Variants in ASIC2 observed in about 807,000 individuals in gnomAD.
The protein encoded by ASIC2 is acid sensing ion channel subunit 2.
Under a neutral mutation model 57.3 loss-of-function variants are expected in ASIC2, and 25 were observed. The ratio of observed to expected loss-of-function variants is 0.44; its 90% CI spans 0.32 to 0.61. The LOEUF is 0.61. Among genes scored for constraint, ASIC2 ranks in the 20% least tolerant of loss-of-function variants. The pLI, the probability that ASIC2 is intolerant of heterozygous loss-of-function variation, is 0.06. For missense variants in ASIC2, 641 were observed against 738.1 expected, an observed-to-expected ratio of 0.87 and a Z score of 1.52; for synonymous variants, 319 against 307.5, an observed-to-expected ratio of 1.04 and a Z score of -0.39.
At chr17:33,110,497 C>T (rs948795634) in intron 2 of ASIC2, among the ~76,000 whole-genome samples, 10 of 152,302 alleles carry the variant, frequency 6.6e-5, no homozygotes, top group East Asian at 1.9e-4. Flanking sequence ...GGTGCCCTGG[C>T]GCCTGAGGTG....
chr17:33,872,880 C>T (rs1914454872), intron 1 of ASIC2, among the ~76,000 whole-genome samples: 1 of 152,082 alleles, frequency 6.6e-6, no homozygotes, highest in South Asian at 2.1e-4. Flanking sequence ...AATACCTGGC[C>T]CACGCATGGG....
chr17:33,758,741 C>G (rs900991711), intron 1 of ASIC2, among the ~76,000 whole-genome samples: 2 of 151,986 alleles, frequency 1.3e-5, no homozygotes, highest in African/African-American at 4.8e-5. Context: ...CATGTGATAC[C>G]CTGTGCCGCC....
intron 1 of ASIC2, among the ~76,000 whole-genome samples, chr17:33,443,183 C>G (rs1911884130): frequency 1.3e-5 from 2 of 152,174 alleles, no homozygotes; most frequent in Admixed American, 6.5e-5. Flanking sequence ...AATTTTGCAT[C>G]TAAGTTTGTA....
chr17:33,270,005 T>C (rs1008563802), intron 1 of ASIC2, among the ~76,000 whole-genome samples: 1 of 152,190 alleles, frequency 6.6e-6, no homozygotes, highest in Non-Finnish European at 1.5e-5. Flanking sequence ...AGACTTCTCT[T>C]CAGTTGAATG....
chr17:33,362,600 C>T (rs1394385), intron 1 of ASIC2, among the ~76,000 whole-genome samples: 128,753 of 152,206 alleles, frequency 0.85, 54,573 homozygotes, highest in South Asian at 0.92. Context: ...CCTCTTGAAA[C>T]GGTGGTGACA....
intron 1 of ASIC2, among the ~76,000 whole-genome samples, chr17:34,087,932 T>C (rs945180624): frequency 6.6e-6 from 1 of 152,216 alleles, no homozygotes; most frequent in South Asian, 2.1e-4. Context: ...ATTCTAGTTA[T>C]ACATTCTTCT....
intron 1 of ASIC2, among the ~76,000 whole-genome samples, chr17:33,720,512 A>G (rs1048944174): frequency 3.3e-5 from 5 of 152,254 alleles, no homozygotes; most frequent in Non-Finnish European, 5.9e-5. Context: ...TCAGAGATTC[A>G]TGAACATATG....
chr17:34,106,477 C>T (rs1413087361), intron 1 of ASIC2, among the ~76,000 whole-genome samples: 2 of 152,000 alleles, frequency 1.3e-5, no homozygotes, highest in Non-Finnish European at 2.9e-5. Flanking sequence ...CATTCTAATG[C>T]CAGGAAGAAA....
At chr17:33,693,890 T>C (rs1908449582) in intron 1 of ASIC2, among the ~76,000 whole-genome samples, 1 of 152,186 alleles carries the variant, frequency 6.6e-6, no homozygotes, top group Admixed American at 6.5e-5. Flanking sequence ...TGTCAGATCA[T>C]TTGGATTCTT....
rs569557116 is a variant in ASIC2, at chr17:33,543,052, C to T, written c.556-430985G>A. ...ATCGCAAGAACAAAAAACCAAACAC[C>T]GCATATTCTCACTTATAGGTGGGAA... On this transcript the variant is annotated intron_variant, in intron 1 of 9. Coordinates refer to the ASIC2 transcript ENST00000359872. Among the ~76,000 whole-genome samples, 37 of 147,068 alleles carry T rather than the reference C, an allele frequency of 2.5e-4. No individual in the cohort carries two copies. The East Asian group carries it at 6.2e-3, about 25-fold the overall frequency.
At chr17:33,475,110 A>T (rs899981297) in intron 1 of ASIC2, among the ~76,000 whole-genome samples, 4 of 145,006 alleles carry the variant, frequency 2.8e-5, no homozygotes, top group African/African-American at 1.0e-4. Flanking sequence ...TTTCATCTCC[A>T]CTCCCCAACC....
chr17:33,533,300 G>C (rs1182472572), intron 1 of ASIC2: 1 of 147,056 alleles, frequency 6.8e-6, no homozygotes, highest in Non-Finnish European at 1.5e-5. Flanking sequence ...GAGCCAAAAA[G>C]AGTAAAGAAA....
intron 1 of ASIC2, among the ~76,000 whole-genome samples, chr17:33,223,812 G>A (rs530911646): frequency 6.6e-5 from 10 of 152,290 alleles, no homozygotes; most frequent in Admixed American, 6.5e-5. Context: ...ATCTTACTAG[G>A]AGCCTCCTCC....
chr17:33,579,424 G>T (rs1408854507), intron 1 of ASIC2, among the ~76,000 whole-genome samples: 3 of 152,030 alleles, frequency 2.0e-5, no homozygotes, highest in East Asian at 1.9e-4. Flanking sequence ...AAAACAAGGA[G>T]ATATAGACTA....
chr17:33,328,800 A>G (rs907540517), intron 1 of ASIC2, among the ~76,000 whole-genome samples: 2 of 152,222 alleles, frequency 1.3e-5, no homozygotes, highest in African/African-American at 4.8e-5. Context: ...AAGTTTTTAA[A>G]ATAGAAATTC....
chr17:33,647,992 G>C (rs375477552), intron 1 of ASIC2, among the ~76,000 whole-genome samples: 1 of 152,208 alleles, frequency 6.6e-6, no homozygotes. Flanking sequence ...TAATCTAATA[G>C]TGGCTTCCTG....
chr17:33,724,876 TC>T (rs1212269844), intron 1 of ASIC2, among the ~76,000 whole-genome samples: 1 of 152,094 alleles, frequency 6.6e-6, no homozygotes, highest in Non-Finnish European at 1.5e-5. Context: ...ATTGGCTCCT[TC>T]CCGTTCATTT....
chr17:34,032,040 A>T (rs1292221063), intron 1 of ASIC2, among the ~76,000 whole-genome samples: 1 of 152,228 alleles, frequency 6.6e-6, no homozygotes, highest in Non-Finnish European at 1.5e-5. Context: ...CGAGAAGAGC[A>T]ACTCCAAGAC....
chr17:33,114,775 A>T (rs770197270), intron 1 of ASIC2, among the ~76,000 whole-genome samples: 19 of 152,246 alleles, frequency 1.2e-4, no homozygotes, highest in Non-Finnish European at 2.6e-4. Context: ...ATATTAGGAA[A>T]CAGAGTCCCA....
Sources: allele counts gnomAD v4.1 joint callset (sites outside exome capture counted in the v4.1 genomes callset), GRCh38; gene constraint gnomAD v4.1.1; transcripts MANE v1.5; gene names NCBI Gene and HGNC (gene_info 2026-07-23, HGNC 2026-07-21).